CCSER1: variants seen among roughly 807,000 people sequenced by gnomAD.
CCSER1 encodes coiled-coil serine rich protein 1.
In CCSER1, 41 loss-of-function variants were observed where a neutral mutation model predicts 82.0. The ratio of observed to expected loss-of-function variants is 0.50; its 90% CI spans 0.39 to 0.65. The LOEUF (loss-of-function observed/expected upper bound fraction) is 0.65, where lower values mean the gene tolerates loss of function less well. CCSER1 is among the 30% of genes least tolerant of loss of function. The pLI is 0.00. For missense variants in CCSER1, 1,119 were observed against 1,064.2 expected, an observed-to-expected ratio of 1.05 and a Z score of -0.72; for synonymous variants, 414 against 383.9, an observed-to-expected ratio of 1.08 and a Z score of -0.92.
At chr4:91,338,855 T>C (rs948911204) in intron 10 of CCSER1, among the ~76,000 whole-genome samples, 1 of 152,044 alleles carries the variant, frequency 6.6e-6, no homozygotes, top group Non-Finnish European at 1.5e-5. Context: ...TGTAGTTTTC[T>C]CTTTAAATAT....
At chr4:90,892,869 A>C (rs1475450178) in intron 8 of CCSER1, among the ~76,000 whole-genome samples, 2 of 152,052 alleles carry the variant, frequency 1.3e-5, no homozygotes, top group Non-Finnish European at 2.9e-5. Flanking sequence ...TATTACTTCT[A>C]GTACTATGAA....
intron 10 of CCSER1, among the ~76,000 whole-genome samples, chr4:91,165,120 C>G (rs761974499): frequency 6.6e-6 from 1 of 152,010 alleles, no homozygotes; most frequent in Non-Finnish European, 1.5e-5. Flanking sequence ...GGTTTTGGTT[C>G]GGATGTCCTT....
At chr4:90,250,323 C>T (rs1396361171) in intron 1 of CCSER1, among the ~76,000 whole-genome samples, 4 of 152,182 alleles carry the variant, frequency 2.6e-5, no homozygotes, top group African/African-American at 7.2e-5. Flanking sequence ...TTAAGATTTA[C>T]TCCCATTTTC....
chr4:90,583,172 T>G (rs975581191), intron 5 of CCSER1, among the ~76,000 whole-genome samples: 2 of 152,152 alleles, frequency 1.3e-5, no homozygotes, highest in Non-Finnish European at 2.9e-5. Context: ...TGTGGATATG[T>G]TTTTTGTTTT....
chr4:91,109,829 C>T (rs2148869378), intron 10 of CCSER1, among the ~76,000 whole-genome samples: 1 of 151,924 alleles, frequency 6.6e-6, no homozygotes, highest in South Asian at 2.1e-4. Context: ...TTAATGGAGC[C>T]CATGGTTTCA....
intron 5 of CCSER1, among the ~76,000 whole-genome samples, chr4:90,615,642 G>A (rs936125576): frequency 2.0e-5 from 3 of 151,482 alleles, no homozygotes; most frequent in Non-Finnish European, 2.9e-5. Flanking sequence ...ATCCCATAAC[G>A]GTTGCTTCTT....
intron 8 of CCSER1, among the ~76,000 whole-genome samples, chr4:90,819,898 G>A (rs1044443977): frequency 6.6e-6 from 1 of 152,294 alleles, no homozygotes; most frequent in African/African-American, 2.4e-5. Flanking sequence ...GAATATTACA[G>A]TGTCCTGGGA....
At chr4:90,802,547 AT>A (rs1031707921) in intron 7 of CCSER1, among the ~76,000 whole-genome samples, 9 of 142,792 alleles carry the variant, frequency 6.3e-5, no homozygotes, top group African/African-American at 2.4e-4. Context: ...TTATAAAAAA[AT>A]TTTATAGCAT....
intron 4 of CCSER1, among the ~76,000 whole-genome samples, chr4:90,427,221 A>G (rs936864899): frequency 2.6e-5 from 4 of 151,938 alleles, no homozygotes; most frequent in African/African-American, 9.7e-5. Context: ...TTTGATTTGT[A>G]ACTAACATTG....
At chr4:90,808,031 G>C (rs1215896328) in intron 7 of CCSER1, among the ~76,000 whole-genome samples, 1 of 152,170 alleles carries the variant, frequency 6.6e-6, no homozygotes, top group South Asian at 2.1e-4. Context: ...TATGGTACCT[G>C]TATAAAAGTA....
rs545855188 is a variant in CCSER1 at position 90,628,499 on chromosome 4, A to G, written c.1932+267A>G. On this transcript the variant is annotated intron_variant, in intron 6 of 10. Coordinates refer to ENST00000509176, the MANE Select transcript of CCSER1 (RefSeq NM_001145065.2). ...CCAAGCATCCCCCTATTTGTCAGGT[A>G]AGGAGAAATGAGTATCAGCTATATA... Among the ~76,000 whole-genome samples the G allele has an allele frequency of 3.9e-5, 6 of 152,348 alleles. No homozygotes were observed. In the East Asian group the frequency reaches 1.2e-3, roughly 29 times the overall value.
At chr4:91,446,752 T>C (rs929846966) in intron 10 of CCSER1, among the ~76,000 whole-genome samples, 3 of 149,506 alleles carry the variant, frequency 2.0e-5, no homozygotes, top group Admixed American at 1.3e-4. Flanking sequence ...TTCTGGAAAA[T>C]ATTTGACAAT....
At chr4:90,626,911 A>G (rs1362261185) in intron 5 of CCSER1, among the ~76,000 whole-genome samples, 2 of 152,184 alleles carry the variant, frequency 1.3e-5, no homozygotes, top group African/African-American at 4.8e-5. Flanking sequence ...ATCCTAGGTT[A>G]TTTCATTTTA....
chr4:91,341,446 T>G (rs1204058549), intron 10 of CCSER1, among the ~76,000 whole-genome samples: 1 of 152,204 alleles, frequency 6.6e-6, no homozygotes, highest in Non-Finnish European at 1.5e-5. Context: ...AAAAGTAGCT[T>G]TAATGGTTTT....
intron 3 of CCSER1, among the ~76,000 whole-genome samples, chr4:90,344,563 G>A (rs772923416): frequency 6.6e-6 from 1 of 152,040 alleles, no homozygotes; most frequent in Non-Finnish European, 1.5e-5. Context: ...AATGCATTTA[G>A]TACCCCCATA....
chr4:91,364,715 C>T (rs1749486862), intron 10 of CCSER1, among the ~76,000 whole-genome samples: 1 of 151,982 alleles, frequency 6.6e-6, no homozygotes, highest in Non-Finnish European at 1.5e-5. Flanking sequence ...CTCTGGTTAC[C>T]TGTCCTTTGT....
chr4:91,073,011 A>G (rs1721593533), intron 9 of CCSER1, among the ~76,000 whole-genome samples: 1 of 152,080 alleles, frequency 6.6e-6, no homozygotes, highest in African/African-American at 2.4e-5. Flanking sequence ...AGAACCTTAA[A>G]AGTGAAGCAT....
chr4:90,299,860 A>G (rs907044384), intron 1 of CCSER1, among the ~76,000 whole-genome samples: 1 of 152,116 alleles, frequency 6.6e-6, no homozygotes, highest in Non-Finnish European at 1.5e-5. Context: ...TCAAGCTGAT[A>G]TCCTACTTAT....
intron 1 of CCSER1, among the ~76,000 whole-genome samples, chr4:90,277,620 A>G (rs538925701): frequency 1.3e-5 from 2 of 152,330 alleles, no homozygotes; most frequent in South Asian, 4.1e-4. Flanking sequence ...ATAAAGGGCT[A>G]TCCATATGCA....
Sources: allele counts gnomAD v4.1 joint callset (sites outside exome capture counted in the v4.1 genomes callset), GRCh38; gene constraint gnomAD v4.1.1; transcripts MANE v1.5; gene names NCBI Gene and HGNC (gene_info 2026-07-23, HGNC 2026-07-21).